The following DEF8 variants were observed in gnomAD, a reference collection of about 807,000 sequenced individuals.
DEF8 encodes the protein differentially expressed in FDCP 8 homolog.
DEF8 carries 38 observed loss-of-function variants against 59.1 expected under a neutral mutation model. That is an observed-to-expected ratio of 0.64 (90% CI 0.50 to 0.84). DEF8 has a LOEUF of 0.84. Ranked by LOEUF, DEF8 falls within the 40% of genes least tolerant of loss-of-function variation. The pLI, the probability that DEF8 is intolerant of heterozygous loss-of-function variation, is 0.00. For missense variants in DEF8, 557 were observed against 615.2 expected (o/e 0.91, Z 1.00); for synonymous variants, 265 against 250.1 (o/e 1.06, Z -0.56).
intron 6 of DEF8, among the ~76,000 whole-genome samples, chr16:89,959,812 T>C (rs576453670): frequency 1.3e-5 from 2 of 152,248 alleles, no homozygotes; most frequent in Non-Finnish European, 2.9e-5. Flanking sequence ...CACGTGACTT[T>C]TAAGCAAAAA....
chr16:89,957,506 G>A lies in DEF8; in HGVS notation c.223-5G>A. Reference sequence around the variant, plus strand: ...TTTGACTGCCCCCGCCCCCAACCTGGGCAGGGTCTGTTCCTGGCCTCTGAC... The same window carrying A: ...TTTGACTGCCCCCGCCCCCAACCTGAGCAGGGTCTGTTCCTGGCCTCTGAC... On this transcript the variant is annotated splice_region_variant and splice_polypyrimidine_tract_variant and intron_variant, in intron 4 of 12. Coordinates refer to ENST00000563594, the MANE Select transcript of DEF8 (RefSeq NM_001242818.2). 6.3e-7 allele frequency: 1 copy of A among 1,579,630 alleles called. No individual in the cohort carries two copies. Among genetic ancestry groups the A allele is most frequent in the Non-Finnish European group, 8.6e-7 (1 of 1,163,092 alleles).
At chr16:89,956,230 G>T (rs553795590) in intron 4 of DEF8, among the ~76,000 whole-genome samples, 1 of 152,222 alleles carries the variant, frequency 6.6e-6, no homozygotes. Flanking sequence ...GCCGAGGCGG[G>T]CGGATCGTGA....
Position 89,966,332 on chromosome 16 carries a change from C to G in DEF8, c.*369C>G, listed in dbSNP as rs1238677039. On this transcript the variant is annotated 3_prime_UTR_variant, in exon 13 of 13. Transcript: ENST00000563594. ...CCCTAGAAATTCCACAGCTCCCGTC[C>G]TGGCCACCCTGGAAGCTCATCAGGC... 1.7e-5 allele frequency: 3 copies of G among 181,496 alleles called. No individual in the cohort carries two copies. The highest frequency in any genetic ancestry group is 7.1e-5 in the African/African-American group (3 of 42,402). The allele number at this position is 181,496 out of a possible 1,614,324, so 11.2% of individuals were successfully genotyped here. A position where few individuals can be genotyped will look rare whatever the true frequency, so the allele number is the denominator to read the frequency against.
In DEF8 at chr16:89,966,929, G is replaced by A. The variant is rs2034634220; in HGVS notation, c.*966G>A. The A allele has an allele frequency of 5.2e-6, 1 of 194,104 alleles. No homozygotes were observed. Among genetic ancestry groups the A allele is most frequent in the South Asian group, 1.9e-4 (1 of 5,202 alleles). The allele number at this position is 194,104 out of a possible 1,614,324, so 12.0% of individuals were successfully genotyped here. A position where few individuals can be genotyped will look rare whatever the true frequency, so the allele number is the denominator to read the frequency against. ...CCAATGGCCTTTTGTTTGGGGGCCTGAGGTCAAGAGAGCTGAGAGTATTCG... is the reference window on the plus strand; with the variant it reads ...CCAATGGCCTTTTGTTTGGGGGCCTAAGGTCAAGAGAGCTGAGAGTATTCG... On this transcript the variant is annotated 3_prime_UTR_variant, in exon 13 of 13. Transcript: ENST00000563594.
chr16:89,958,890 T>G, intron 5 of DEF8, 124 bp from the exon 6 acceptor site: 2 of 1,516,068 alleles, frequency 1.3e-6, no homozygotes, highest in Non-Finnish European at 1.8e-6. Context: ...CATGGCATTG[T>G]GCTGAAACTC....
intron 6 of DEF8, among the ~76,000 whole-genome samples, 175 bp from the exon 7 acceptor site, chr16:89,960,756 G>A (rs913934936): frequency 3.3e-5 from 5 of 152,150 alleles, no homozygotes; most frequent in African/African-American, 4.8e-5. Context: ...CAAGGCTCAG[G>A]GGCCAGGGAG....
chr16:89,964,012 G>A (rs564804688), intron 10 of DEF8, 158 bp from the exon 11 acceptor site: 37 of 986,418 alleles, frequency 3.8e-5, no homozygotes, highest in African/African-American at 9.5e-5. Context: ...TTCCCCTGTC[G>A]GCTTCCTGGG....
intron 5 of DEF8, among the ~76,000 whole-genome samples, chr16:89,958,688 C>A (rs377103728): frequency 2.0e-5 from 3 of 152,218 alleles, no homozygotes; most frequent in Non-Finnish European, 2.9e-5. Context: ...TGCACCTAAC[C>A]GGCAAAAAGC....
At chr16:89,950,021 A>G (rs934789720) in intron 2 of DEF8, 51 of 1,032,130 alleles carry the variant, frequency 4.9e-5, no homozygotes, top group Non-Finnish European at 5.3e-5. Context: ...TGGGGCTGGC[A>G]CTGACTGTCA....
At chr16:89,958,562 C>G (rs74800773) in intron 5 of DEF8, 17,520 of 171,866 alleles carry the variant, frequency 0.1, 1,293 homozygotes, top group African/African-American at 0.22. Context: ...AAAAAAACCC[C>G]AAAACATAGT....
At position 89,954,916 on chromosome 16, in the gene DEF8, A is replaced by G. The variant is rs1416446144; in HGVS notation, c.125-253A>G. 6.6e-6 allele frequency among the ~76,000 whole-genome samples: 1 copy of G among 151,970 alleles called. No homozygotes were observed. Among genetic ancestry groups the G allele is most frequent in the African/African-American group, 2.4e-5 (1 of 41,334 alleles). ...ATGTCTCTATAATGCTGTCTTGAGG[A>G]CTTTTGGCACCGAGTGTCATTCCAC... On this transcript the variant is annotated intron_variant, in intron 3 of 12. Coordinates refer to ENST00000563594, the MANE Select transcript of DEF8 (RefSeq NM_001242818.2). This position sits in a 1 kb window ranked among gnomAD's most constrained non-coding sequence, Gnocchi z 4.3.
At position 89,957,515 on chromosome 16, in the gene DEF8, T is replaced by C. The variant is rs762449946; in HGVS notation, c.227T>C (p.Leu76Pro). 3 of 1,585,200 alleles carry C rather than the reference T, an allele frequency of 1.9e-6. No individual in the cohort carries two copies. The highest frequency in any genetic ancestry group is 1.7e-4 in the Middle Eastern group (1 of 5,976). Residue 76 changes from leucine to proline, a missense_variant, in exon 5 of 13, where the codon CTG (leucine) becomes CCG (proline). Physicochemically the swap from Leu to Pro is moderately conservative, Grantham distance 98. Transcript: ENST00000563594. ...CCCCGCCCCCAACCTGGGCAGGGTCTGTTCCTGGCCTCTGACGTCCAGCAG... is the reference window on the plus strand; with the variant it reads ...CCCCGCCCCCAACCTGGGCAGGGTCCGTTCCTGGCCTCTGACGTCCAGCAG... ...SEDHFSRPVG[L>P]FLASDVQQLR...
chr16:89,956,047 T>C (rs1482938022), intron 4 of DEF8, among the ~76,000 whole-genome samples: 2 of 152,022 alleles, frequency 1.3e-5, no homozygotes, highest in Non-Finnish European at 2.9e-5. Flanking sequence ...CACTCCAGCC[T>C]GGGTGACAGA....
intron 12 of DEF8, among the ~76,000 whole-genome samples, chr16:89,965,532 C>T (rs187879386): frequency 3.3e-5 from 5 of 152,228 alleles, no homozygotes; most frequent in Non-Finnish European, 7.4e-5. Flanking sequence ...GTTTGGGAGC[C>T]AGGGGAGGGA....
In DEF8 at chr16:89,954,332, A is replaced by G. The variant is rs779224956; in HGVS notation, c.80A>G (p.His27Arg). Residue 27 changes from histidine to arginine, a missense_variant, in exon 3 of 13, where the codon CAT becomes CGT. His to Arg is a conservative substitution (Grantham distance 29). Coordinates refer to ENST00000563594, the MANE Select transcript of DEF8 (RefSeq NM_001242818.2). The surrounding 1 kb of genome is among the most constrained non-coding windows in gnomAD (Gnocchi z 4.3). Reference protein sequence around the residue: ...PFNKQSGPRQHEQGPGEEVPD... With the variant: ...PFNKQSGPRQREQGPGEEVPD... ...AACAAGCAGTCTGGGCCGAGACAGC[A>G]TGAGCAGGGCCCTGGGGAGGAGGTC... 1 of 1,613,860 alleles carries G rather than the reference A, an allele frequency of 6.2e-7. No homozygotes were observed. Among genetic ancestry groups the G allele is most frequent in the South Asian group, 1.1e-5 (1 of 91,074 alleles).
intron 2 of DEF8, among the ~76,000 whole-genome samples, chr16:89,952,002 C>T (rs1280726172): frequency 3.3e-5 from 5 of 152,114 alleles, no homozygotes; most frequent in Non-Finnish European, 7.4e-5. Context: ...CTCAGCCTCC[C>T]GAGTAGCTGG....
At chr16:89,959,482 TTTTG>T in intron 6 of DEF8, 6 of 624,868 alleles carry the variant, frequency 9.6e-6, no homozygotes, top group Non-Finnish European at 1.4e-5. Flanking sequence ...TGTTTTTTGT[TTTTG>T]TTTGTTTTTG....
intron 2 of DEF8, chr16:89,949,973 G>A (rs747090245): frequency 8.2e-5 from 82 of 1,003,270 alleles, no homozygotes; most frequent in Admixed American, 1.5e-4. Context: ...CGAGGCCAGC[G>A]GCCTCCCCTC....
At position 89,961,061 on chromosome 16, in the gene DEF8, C is replaced by A; in HGVS notation, c.645C>A (p.Tyr215Ter). 1 of 1,613,678 alleles carries A rather than the reference C, an allele frequency of 6.2e-7. No homozygotes were observed. The highest frequency in any genetic ancestry group is 1.7e-5 in the Admixed American group (1 of 60,014). The stretch of plus-strand genomic sequence containing the variant: ...AGACAGGGCTGGACAGCCAGGATTA[C>A]CGCTGTGCCGAGTGCCGGGCGCCCA... ...CPETGLDSQD[Y>*]RCAECRAPIS... The change falls in exon 7 of 13, where the codon TAC becomes TAA. Residue 215 changes from tyrosine (Y) to a stop codon, truncating the protein, a stop_gained. Transcript: ENST00000563594. LOFTEE classifies it high-confidence loss of function.
Sources: allele counts gnomAD v4.1 joint callset (sites outside exome capture counted in the v4.1 genomes callset), GRCh38; gene constraint gnomAD v4.1.1; non-coding constraint Gnocchi (gnomAD v3.1); transcripts MANE v1.5; gene names NCBI Gene and HGNC (gene_info 2026-07-23, HGNC 2026-07-21).